The following TMED3 variants were observed in gnomAD, a reference collection of about 807,000 sequenced individuals.
TMED3 encodes transmembrane emp24 domain-containing protein 3.
TMED3 carries 9 observed loss-of-function variants against 15.0 expected under a neutral mutation model. That is an observed-to-expected ratio of 0.60 (90% CI 0.36 to 1.04). The LOEUF (loss-of-function observed/expected upper bound fraction) is 1.04. TMED3 is among the 50% of genes least tolerant of loss of function. The pLI, the probability that TMED3 is intolerant of heterozygous loss-of-function variation, is 0.01. For missense variants in TMED3, 267 were observed against 278.9 expected (o/e 0.96, Z 0.30); for synonymous variants, 117 against 121.4 (o/e 0.96, Z 0.24).
chr15:79,379,795 A>G (rs891821654), intron 2 of TMED3, among the ~76,000 whole-genome samples: 16 of 152,242 alleles, frequency 1.1e-4, no homozygotes, highest in African/African-American at 3.6e-4. Context: ...TCAGTCTGAC[A>G]GCTAGCATAT....
chr15:79,311,430 GCCCGGCAGCGCT>G lies in TMED3; in HGVS notation c.168+17_168+28del. The G allele has an allele frequency of 6.3e-7, 1 of 1,596,372 alleles. No homozygotes were observed. The highest frequency in any genetic ancestry group is 8.5e-7 in the Non-Finnish European group (1 of 1,171,402). ...CCTGGATTACCAGGTGAGGCCGGGC[GCCCGGCAGCGCT>G]CCCTTCTCCCTCCACTCCCAGGTCT... On this transcript the variant is annotated intron_variant, in intron 1 of 2. Transcript: ENST00000299705.
At chr15:79,374,996 G>A (rs1009867157) in intron 2 of TMED3, among the ~76,000 whole-genome samples, 2 of 152,118 alleles carry the variant, frequency 1.3e-5, no homozygotes, top group Non-Finnish European at 2.9e-5. Context: ...TCACAACAAA[G>A]CCATCCTTAA....
intron 2 of TMED3, among the ~76,000 whole-genome samples, chr15:79,381,773 T>C (rs189885732): frequency 6.6e-6 from 1 of 152,314 alleles, no homozygotes; most frequent in East Asian, 1.9e-4. Flanking sequence ...AGGCTGTGTG[T>C]CCTGTGATTG....
intron 2 of TMED3, among the ~76,000 whole-genome samples, chr15:79,372,053 C>G (rs1052273118): frequency 1.3e-5 from 2 of 152,082 alleles, no homozygotes; most frequent in Non-Finnish European, 2.9e-5. Context: ...CTAGAATAAG[C>G]AAAAACAAAC....
At chr15:79,344,768 G>A (rs920476194) in intron 2 of TMED3, among the ~76,000 whole-genome samples, 6 of 152,182 alleles carry the variant, frequency 3.9e-5, no homozygotes, top group East Asian at 1.9e-4. Flanking sequence ...GGTCGAGATC[G>A]TTGGTGACTT....
In TMED3 at chr15:79,341,195, CAA is replaced by C. The variant is rs58885572; in HGVS notation, c.417+27212_417+27213del. Among the ~76,000 whole-genome samples the C allele has an allele frequency of 2.7e-3, 160 of 58,326 alleles. 1 individual carries two copies. Among genetic ancestry groups the C allele is most frequent in the Non-Finnish European group, 4.1e-3 (147 of 35,538 alleles). 38.3% of individuals were successfully genotyped at this position (58,326 alleles called of 152,430 possible). On this transcript the variant is annotated intron_variant, in intron 2 of 2. Coordinates refer to the TMED3 transcript ENST00000424155. ...GTGACACAGCAGCAAGACCCTGTCT[CAA>C]AAAAAAAAAAAAAAAAAAAAAGGTG... is the stretch of plus-strand genomic sequence containing the variant.
chr15:79,380,943 C>T (rs78791139), intron 2 of TMED3, among the ~76,000 whole-genome samples: 4,070 of 152,204 alleles, frequency 0.027, 86 homozygotes, highest in Non-Finnish European at 0.038. Context: ...CAGGGCAATG[C>T]ACAATAGTAA....
chr15:79,404,420 T>C (rs1893873783), intron 2 of TMED3, among the ~76,000 whole-genome samples: 1 of 152,220 alleles, frequency 6.6e-6, no homozygotes, highest in Non-Finnish European at 1.5e-5. Flanking sequence ...TGTAGCATCC[T>C]CCCTTGTTTC....
intron 2 of TMED3, chr15:79,411,349 A>C: frequency 1.4e-6 from 1 of 699,242 alleles, no homozygotes; most frequent in Non-Finnish European, 2.6e-6. Context: ...TGGGCAGTTC[A>C]TGGTTCCACA....
chr15:79,402,741 G>A (rs1215213780), intron 2 of TMED3, among the ~76,000 whole-genome samples: 4 of 151,974 alleles, frequency 2.6e-5, no homozygotes, highest in South Asian at 2.1e-4. Flanking sequence ...AGCCGAGATC[G>A]TGCCACTGCA....
At chr15:79,389,419 C>T (rs375056088) in intron 2 of TMED3, among the ~76,000 whole-genome samples, 6 of 151,918 alleles carry the variant, frequency 3.9e-5, no homozygotes, top group East Asian at 1.9e-4. Context: ...GGTTTATTTC[C>T]GGGTTCTCTA....
At chr15:79,407,104 C>G (rs761046355) in intron 2 of TMED3, among the ~76,000 whole-genome samples, 5 of 152,214 alleles carry the variant, frequency 3.3e-5, no homozygotes, top group Non-Finnish European at 7.3e-5. Flanking sequence ...GTCCTTCTTA[C>G]ATTTCCACCT....
intron 2 of TMED3, among the ~76,000 whole-genome samples, chr15:79,345,938 G>A (rs546902147): frequency 2.0e-5 from 3 of 152,196 alleles, no homozygotes; most frequent in Admixed American, 6.5e-5. Flanking sequence ...TGTTGGCCAC[G>A]TGTATGCCTT....
At chr15:79,322,934 G>C (rs1385537843), downstream of TMED3, 2 of 977,006 alleles carry the variant, frequency 2.0e-6, no homozygotes, top group African/African-American at 3.5e-5. Context: ...ATGTGACATA[G>C]AGTACCTAGA....
chr15:79,336,321 C>A (rs963896094), intron 2 of TMED3, among the ~76,000 whole-genome samples: 1 of 152,164 alleles, frequency 6.6e-6, no homozygotes, highest in Non-Finnish European at 1.5e-5. Context: ...CACTGGCTGG[C>A]TAGTGGAGCT....
chr15:79,380,586 T>TAG (rs1474888289), intron 2 of TMED3, among the ~76,000 whole-genome samples: 3 of 128,806 alleles, frequency 2.3e-5, no homozygotes, highest in African/African-American at 6.3e-5. Flanking sequence ...TAGTTTTATA[T>TAG]ATATATATAT....
chr15:79,343,530 C>T (rs1487346230), intron 2 of TMED3, among the ~76,000 whole-genome samples: 2 of 152,176 alleles, frequency 1.3e-5, no homozygotes, highest in African/African-American at 4.8e-5. Context: ...TGGGTTGTTT[C>T]TGATTTTCAC....
chr15:79,314,872 G>T lies in TMED3; in HGVS notation c.417+867G>T, dbSNP rs549638288. Among the ~76,000 whole-genome samples the T allele has an allele frequency of 1.0e-3, 155 of 152,270 alleles. 1 individual carries two copies. The highest frequency in any genetic ancestry group is 3.7e-3 in the African/African-American group (153 of 41,548). On this transcript the variant is annotated intron_variant, in intron 2 of 2. Transcript: ENST00000299705. ...GCCCCTCCTTCCCTTTCATATGCAG[G>T]CTGGGGGCTTCCTGAGGGCTAGGAC...
rs112458387 is a variant in TMED3 at position 79,321,821 on chromosome 15, G to T, written c.418-157G>T. Among the ~76,000 whole-genome samples the T allele has an allele frequency of 1.2e-4, 18 of 152,310 alleles. 1 individual carries two copies. Among genetic ancestry groups the T allele is most frequent in the African/African-American group, 4.3e-4 (18 of 41,562 alleles). ...TCTCTGAGCTTCAATTAGGCTTGTT[G>T]TGAGGATTAAATAAAACCACGTAAA... On this transcript the variant is annotated intron_variant, in intron 2 of 2. Coordinates refer to ENST00000299705, the MANE Select transcript of TMED3 (RefSeq NM_007364.4).
Sources: gnomAD v4.1 joint callset for allele counts (sites outside exome capture counted in the v4.1 genomes callset) on GRCh38, gnomAD v4.1.1 for gene constraint, MANE v1.5 for transcripts, NCBI Gene and HGNC (gene_info 2026-07-23, HGNC 2026-07-21) for gene names.